TMC2: variants seen among roughly 807,000 people sequenced by gnomAD.
The protein encoded by TMC2 is transmembrane channel like 2.
A neutral mutation model predicts 105.9 loss-of-function variants in TMC2; 102 were observed. The ratio of observed to expected loss-of-function variants is 0.96; its 90% CI spans 0.82 to 1.14. The LOEUF (loss-of-function observed/expected upper bound fraction) is 1.14, where lower values mean the gene tolerates loss of function less well. TMC2 is among the 50% of genes most tolerant of loss of function. TMC2 has a pLI of 0.00. For synonymous variants in TMC2, 402 were observed against 422.8 expected, an observed-to-expected ratio of 0.95 and a Z score of 0.60; for missense variants, 1,093 against 1,134.3, an observed-to-expected ratio of 0.96 and a Z score of 0.52.
At chr20:2,544,714 T>C (rs1190855950) in intron 2 of TMC2, among the ~76,000 whole-genome samples, 1 of 152,158 alleles carries the variant, frequency 6.6e-6, no homozygotes. Flanking sequence ...CATCTGCTGT[T>C]CTCTCAACCA....
chr20:2,641,260 C>T lies in TMC2; in HGVS notation c.2630C>T (p.Pro877Leu), dbSNP rs1389574263. Residue 877 changes from proline to leucine, a missense_variant, in exon 20 of 20, where the codon CCT becomes CTT. Physicochemically the swap from Pro to Leu is moderately conservative, Grantham distance 98. Transcript: ENST00000358864. ...ASGHLPISRP[P>L]GIGPDSGHAP... ...GGACACCTTCCTATATCTCGGCCCC[C>T]TGGAATCGGACCAGATTCTGGCCAC... 1 of 1,614,190 alleles carries T rather than the reference C, an allele frequency of 6.2e-7. No individual in the cohort carries two copies. The highest frequency in any genetic ancestry group is 1.1e-5 in the South Asian group (1 of 91,084).
intron 18 of TMC2, among the ~76,000 whole-genome samples, 161 bp downstream of exon 18, chr20:2,636,165 A>G (rs1200399103): frequency 1.3e-5 from 2 of 152,196 alleles, no homozygotes; most frequent in African/African-American, 4.8e-5. Context: ...GAGATTCAAC[A>G]GCATGCATTT....
intron 2 of TMC2, among the ~76,000 whole-genome samples, chr20:2,551,519 C>A (rs2085956959): frequency 6.6e-6 from 1 of 150,864 alleles, no homozygotes; most frequent in Non-Finnish European, 1.5e-5. Flanking sequence ...GTATTTTATT[C>A]TTTGTTTTTA....
chr20:2,545,819 G>GAA lies in TMC2; in HGVS notation c.82+8504_82+8505insAA, dbSNP rs541537119. On this transcript the variant is annotated intron_variant, in intron 2 of 19. Transcript: ENST00000358864. Reference sequence around the variant, plus strand: ...GAAGAAGGAAGAAGAAGAAGAGGAAGAGGAAGAAAGAAAGAAAGAAAGAAA... The same window carrying GAA: ...GAAGAAGGAAGAAGAAGAAGAGGAAGAAAGGAAGAAAGAAAGAAAGAAAGAAA... 1.6e-3 allele frequency among the ~76,000 whole-genome samples: 101 copies of GAA among 62,012 alleles called. 1 individual carries two copies. The highest frequency in any genetic ancestry group is 0.013 in the South Asian group (31 of 2,320). 40.7% of individuals were successfully genotyped at this position (62,012 alleles called of 152,430 possible).
chr20:2,563,598 C>T (rs1425760726), intron 4 of TMC2, among the ~76,000 whole-genome samples: 1 of 152,056 alleles, frequency 6.6e-6, no homozygotes, highest in Non-Finnish European at 1.5e-5. Flanking sequence ...CTGAAAATTG[C>T]TAAGAATAGA....
Position 2,558,456 on chromosome 20 carries a change from G to A in TMC2, c.83G>A (p.Gly28Asp), listed in dbSNP as rs1237491076. 3 of 1,555,112 alleles carry A rather than the reference G, an allele frequency of 1.9e-6. No homozygotes were observed. The highest frequency in any genetic ancestry group is 2.6e-6 in the Non-Finnish European group (3 of 1,149,356). The part of the protein sequence containing the change: ...GRVKSGSPHT[G>D]DRLGRRSSSK... Reference sequence around the variant, plus strand: ...ACTGTCCATTTTCCCGCCCCGGCAGGTGACAGGCTGGGAAGGAGATCCTCA... The same window carrying A: ...ACTGTCCATTTTCCCGCCCCGGCAGATGACAGGCTGGGAAGGAGATCCTCA... Residue 28 changes from glycine to aspartate, a missense_variant and splice_region_variant, in exon 3 of 20, where the codon GGT becomes GAT. By Grantham distance (94) the Gly-to-Asp change is moderately conservative. Transcript: ENST00000358864. This position sits in a 1 kb window ranked among gnomAD's most constrained non-coding sequence, Gnocchi z 4.6.
rs1263319172 is a variant in TMC2 at position 2,592,749 on chromosome 20, A to G, written c.933+341A>G. Among the ~76,000 whole-genome samples, 1 of 152,148 alleles carries G rather than the reference A, an allele frequency of 6.6e-6. No homozygotes were observed. The highest frequency in any genetic ancestry group is 1.5e-5 in the Non-Finnish European group (1 of 68,028). On this transcript the variant is annotated intron_variant, in intron 8 of 19. Coordinates refer to ENST00000358864, the MANE Select transcript of TMC2 (RefSeq NM_080751.3). This position sits in a 1 kb window ranked among gnomAD's most constrained non-coding sequence, Gnocchi z 4.9. Reference sequence around the variant, plus strand: ...TCTATCTCCACTCCAGGCTTCCCCAAGTTTCACATGACATCTTCAACTGAA... The same window carrying G: ...TCTATCTCCACTCCAGGCTTCCCCAGGTTTCACATGACATCTTCAACTGAA...
intron 11 of TMC2, among the ~76,000 whole-genome samples, chr20:2,607,407 C>G (rs2086401934): frequency 6.6e-6 from 1 of 152,126 alleles, no homozygotes; most frequent in South Asian, 2.1e-4. Context: ...CATGTTGTGC[C>G]CTGTCCTGTT....
chr20:2,557,525 TTTTTA>T (rs1216520630), intron 2 of TMC2, among the ~76,000 whole-genome samples: 1 of 152,216 alleles, frequency 6.6e-6, no homozygotes, highest in East Asian at 1.9e-4. Flanking sequence ...TAATCAGTTA[TTTTTA>T]TTTTATTTTG....
At chr20:2,630,881 C>T (rs903923233) in intron 17 of TMC2, among the ~76,000 whole-genome samples, 1 of 152,116 alleles carries the variant, frequency 6.6e-6, no homozygotes, top group Admixed American at 6.5e-5. Flanking sequence ...ATAGCTGAAG[C>T]ATAGTGTTTA....
intron 1 of TMC2, among the ~76,000 whole-genome samples, 177 bp downstream of exon 1, chr20:2,536,832 G>T (rs377033948): frequency 2.3e-4 from 35 of 152,354 alleles, no homozygotes; most frequent in African/African-American, 8.4e-4. Context: ...TGATCCTCAC[G>T]CATGAGATGG....
At chr20:2,554,308 C>T (rs112517381) in intron 2 of TMC2, among the ~76,000 whole-genome samples, 2,265 of 152,190 alleles carry the variant, frequency 0.015, 56 homozygotes, top group African/African-American at 0.051. Flanking sequence ...AAAAATAAAT[C>T]GATAAATAAT....
chr20:2,602,271 GC>G lies in TMC2; in HGVS notation c.1384del (p.Gln462ArgfsTer11), dbSNP rs1683168086. On this transcript the variant is annotated frameshift_variant, in exon 11 of 20. Coordinates refer to ENST00000358864, the MANE Select transcript of TMC2 (RefSeq NM_080751.3). LOFTEE classifies it high-confidence loss of function. ...VKRSQQFSKM[Q>X]NVSWYERNEV... ...AGCGATCTCAGCAATTCTCCAAAAT[GC>G]AGAATGTCAGCTGGTATGAAAGGAA... 6.2e-7 allele frequency: 1 copy of G among 1,606,462 alleles called. No individual in the cohort carries two copies. The highest frequency in any genetic ancestry group is 8.5e-7 in the Non-Finnish European group (1 of 1,177,112).
chr20:2,596,482 A>C (rs2086307428), intron 9 of TMC2, among the ~76,000 whole-genome samples: 1 of 151,970 alleles, frequency 6.6e-6, no homozygotes, highest in Non-Finnish European at 1.5e-5. Context: ...AAATACAAAA[A>C]ATTAGCCAGG....
intron 17 of TMC2, among the ~76,000 whole-genome samples, chr20:2,625,826 A>G (rs1411558612): frequency 6.6e-6 from 1 of 152,178 alleles, no homozygotes; most frequent in African/African-American, 2.4e-5. Context: ...TTGCTCTCCA[A>G]AGTGGTTGTA....
intron 2 of TMC2, among the ~76,000 whole-genome samples, chr20:2,554,270 C>A (rs545572177): frequency 6.6e-6 from 1 of 152,104 alleles, no homozygotes; most frequent in African/African-American, 2.4e-5. Context: ...ATGTCTCCAG[C>A]CTGGGCAACG....
chr20:2,588,527 G>A (rs1008934674), intron 7 of TMC2, among the ~76,000 whole-genome samples: 1 of 152,210 alleles, frequency 6.6e-6, no homozygotes. Context: ...ATCCAAAGCA[G>A]TAGATATCCA....
chr20:2,560,619 C>T (rs546235079), intron 3 of TMC2, among the ~76,000 whole-genome samples: 48 of 152,152 alleles, frequency 3.2e-4, no homozygotes, highest in African/African-American at 1.0e-3. Flanking sequence ...GGGTGGATCG[C>T]GAGGTCAGGA....
At chr20:2,576,900 GTTTTTTTTTTTTGT>G (rs1310440388) in intron 5 of TMC2, among the ~76,000 whole-genome samples, 3 of 118,682 alleles carry the variant, frequency 2.5e-5, no homozygotes, top group Non-Finnish European at 5.0e-5. Flanking sequence ...TTTCTTCTTG[GTTTTTTTTTTTTGT>G]TTTTTTTTTT....
Sources: allele counts gnomAD v4.1 joint callset (sites outside exome capture counted in the v4.1 genomes callset), GRCh38; gene constraint gnomAD v4.1.1; non-coding constraint Gnocchi (gnomAD v3.1); transcripts MANE v1.5; gene names NCBI Gene and HGNC (gene_info 2026-07-23, HGNC 2026-07-21).